The following PRIM2 variants were observed in gnomAD, a reference collection of about 807,000 sequenced individuals.
PRIM2 encodes DNA primase subunit 2.
In PRIM2, 39 loss-of-function variants were observed where a neutral mutation model predicts 67.3. The ratio of observed to expected loss-of-function variants is 0.58; its 90% CI spans 0.45 to 0.76. The LOEUF (loss-of-function observed/expected upper bound fraction) is 0.76, where lower values mean the gene tolerates loss of function less well. Ranked by LOEUF, PRIM2 falls within the 30% of genes least tolerant of loss-of-function variation. The pLI is 0.00. For missense variants in PRIM2, 398 were observed against 598.7 expected (o/e 0.66, Z 3.50); for synonymous variants, 143 against 198.7 (o/e 0.72, Z 2.36).
chr6:57,523,092 GA>G (rs1159687336), intron 8 of PRIM2, among the ~76,000 whole-genome samples: 5 of 151,862 alleles, frequency 3.3e-5, no homozygotes, highest in East Asian at 3.9e-4. Flanking sequence ...TAAGAACAGA[GA>G]AAAAAAATCC....
the PRIM2 span, among the ~76,000 whole-genome samples, chr6:57,263,462 T>A: frequency 1.1e-4 from 17 of 152,202 alleles, no homozygotes; most frequent in African/African-American, 3.9e-4. Context: ...AATCTCTGCT[T>A]CTGATGTTGC....
chr6:57,297,819 C>T, the PRIM2 span, among the ~76,000 whole-genome samples: 1 of 152,090 alleles, frequency 6.6e-6, no homozygotes. Context: ...AGGCAGTCTA[C>T]AGAATGACTG....
At chr6:57,230,903 C>T in the PRIM2 span, among the ~76,000 whole-genome samples, 2 of 152,124 alleles carry the variant, frequency 1.3e-5, no homozygotes, top group African/African-American at 4.8e-5. Flanking sequence ...GCTGAAGCAC[C>T]TTCAGAGGCT....
the PRIM2 span, among the ~76,000 whole-genome samples, chr6:57,297,102 T>C: frequency 6.6e-6 from 1 of 152,214 alleles, no homozygotes; most frequent in South Asian, 2.1e-4. Flanking sequence ...ATGCTCTCTT[T>C]TTTTTAACAG....
At chr6:57,237,793 G>C in the PRIM2 span, among the ~76,000 whole-genome samples, 1 of 152,256 alleles carries the variant, frequency 6.6e-6, no homozygotes, top group Non-Finnish European at 1.5e-5. Flanking sequence ...TTTTGTACCA[G>C]TACCATGCTG....
chr6:57,598,141 G>A (rs1776401083), intron 10 of PRIM2, among the ~76,000 whole-genome samples: 1 of 152,178 alleles, frequency 6.6e-6, no homozygotes, highest in South Asian at 2.1e-4. Flanking sequence ...TATTTAACAA[G>A]TGTTGCTTAA....
At chr6:57,544,787 C>G (rs1303756590) in intron 10 of PRIM2, among the ~76,000 whole-genome samples, 13 of 152,152 alleles carry the variant, frequency 8.5e-5, no homozygotes, top group Non-Finnish European at 1.8e-4. Flanking sequence ...GCTGCATGTT[C>G]AGGCACCTAG....
chr6:57,236,549 A>G, the PRIM2 span, among the ~76,000 whole-genome samples: 1 of 151,972 alleles, frequency 6.6e-6, no homozygotes, highest in Non-Finnish European at 1.5e-5. Flanking sequence ...ATATCTCCTA[A>G]TGCTATCCCT....
chr6:57,273,042 C>T, the PRIM2 span, among the ~76,000 whole-genome samples: 707 of 152,302 alleles, frequency 4.6e-3, 5 homozygotes, highest in Non-Finnish European at 8.3e-3. Flanking sequence ...CGACCTTTCT[C>T]TCTGGCTGCC....
intron 7 of PRIM2, among the ~76,000 whole-genome samples, chr6:57,403,318 G>A (rs367733384): frequency 5.0e-4 from 75 of 149,524 alleles, no homozygotes; most frequent in African/African-American, 1.6e-3. Context: ...GTGCAGTGGC[G>A]CGAACTCGGC....
chr6:57,625,272 A>G (rs1309198772), intron 12 of PRIM2, among the ~76,000 whole-genome samples: 1 of 152,134 alleles, frequency 6.6e-6, no homozygotes. Context: ...GTTTTGAGGA[A>G]CCCTAGTCCT....
intron 10 of PRIM2, among the ~76,000 whole-genome samples, chr6:57,547,718 G>T (rs2127473884): frequency 6.6e-6 from 1 of 152,160 alleles, no homozygotes; most frequent in East Asian, 1.9e-4. Context: ...CTGTAGCTGT[G>T]GTTTCTGTCC....
the PRIM2 span, among the ~76,000 whole-genome samples, chr6:57,290,998 A>T: frequency 1.3e-5 from 2 of 152,178 alleles, no homozygotes; most frequent in African/African-American, 4.8e-5. Context: ...AATAACTAAG[A>T]TCAGAGCAGA....
At chr6:57,324,362 T>G in intron 4 of PRIM2, 82 bp downstream of exon 4, 1 of 802,698 alleles carries the variant, frequency 1.2e-6, no homozygotes, top group Non-Finnish European at 2.1e-6. Flanking sequence ...TGTGTTGTGC[T>G]AAACATAGGA....
intron 7 of PRIM2, among the ~76,000 whole-genome samples, chr6:57,484,084 C>T (rs1378385703): frequency 3.9e-5 from 6 of 152,118 alleles, no homozygotes; most frequent in South Asian, 2.1e-4. Context: ...CATGCTATTT[C>T]GTGTACTTAT....
At chr6:57,536,873 A>G (rs1350467777) in intron 9 of PRIM2, among the ~76,000 whole-genome samples, 1 of 152,216 alleles carries the variant, frequency 6.6e-6, no homozygotes, top group Non-Finnish European at 1.5e-5. Flanking sequence ...TTATAAAATC[A>G]TGAGAGATCC....
intron 7 of PRIM2, among the ~76,000 whole-genome samples, chr6:57,504,442 A>G (rs1286739256): frequency 7.4e-4 from 112 of 152,344 alleles, no homozygotes; most frequent in Non-Finnish European, 1.2e-3. Flanking sequence ...ACACTTGTCT[A>G]AAAACAGTGG....
At chr6:57,236,754 T>G in the PRIM2 span, among the ~76,000 whole-genome samples, 1 of 152,228 alleles carries the variant, frequency 6.6e-6, no homozygotes, top group South Asian at 2.1e-4. Context: ...CTCATCCTTT[T>G]TTATGGCTGC....
At chr6:57,589,898 AT>A (rs1489257216) in intron 10 of PRIM2, among the ~76,000 whole-genome samples, 14 of 152,156 alleles carry the variant, frequency 9.2e-5, no homozygotes, top group Admixed American at 8.5e-4. Flanking sequence ...CAGCCCAGGC[AT>A]TGGGGAGTGG....
Sources: gnomAD v4.1 joint callset for allele counts (sites outside exome capture counted in the v4.1 genomes callset) on GRCh38, gnomAD v4.1.1 for gene constraint, MANE v1.5 for transcripts, NCBI Gene and HGNC (gene_info 2026-07-23, HGNC 2026-07-21) for gene names.